The following GABBR2 variants were observed in gnomAD, a reference collection of about 807,000 sequenced individuals.
The protein encoded by GABBR2 is gamma-aminobutyric acid type B receptor subunit 2.
In GABBR2, 23 loss-of-function variants were observed where a neutral mutation model predicts 105.6. The ratio of observed to expected loss-of-function variants is 0.22; its 90% CI spans 0.16 to 0.31. The LOEUF is 0.31. GABBR2 is among the 10% of genes least tolerant of loss of function. The probability of loss-of-function intolerance (pLI) is 1.00; values close to 1 mark genes in which losing one functional copy is unlikely to be tolerated. For missense variants in GABBR2, 734 were observed against 1,245.5 expected (o/e 0.59, Z 6.18); for synonymous variants, 478 against 499.7 (o/e 0.96, Z 0.58).
intron 7 of GABBR2, among the ~76,000 whole-genome samples, chr9:98,451,936 C>CA (rs1826238640): frequency 6.6e-6 from 1 of 152,174 alleles, no homozygotes; most frequent in Non-Finnish European, 1.5e-5. Flanking sequence ...CCACCCCTTC[C>CA]AAAAAACCTA....
chr9:98,510,290 C>A (rs953640569), intron 3 of GABBR2, among the ~76,000 whole-genome samples: 9 of 152,270 alleles, frequency 5.9e-5, no homozygotes, highest in African/African-American at 1.7e-4. Flanking sequence ...TGGAAAGGAA[C>A]AACTGGTACC....
chr9:98,503,757 G>T (rs974618899), intron 3 of GABBR2, among the ~76,000 whole-genome samples: 1 of 152,126 alleles, frequency 6.6e-6, no homozygotes, highest in Admixed American at 6.5e-5. Context: ...CTGGCTCAGG[G>T]TCTTTCAGGA....
At chr9:98,406,635 TC>T (rs1222179967) in intron 7 of GABBR2, among the ~76,000 whole-genome samples, 1 of 152,222 alleles carries the variant, frequency 6.6e-6, no homozygotes, top group East Asian at 1.9e-4. Flanking sequence ...AGAATGTTTT[TC>T]TAAGTTTTTC....
At chr9:98,417,559 T>C (rs1832710615) in intron 7 of GABBR2, among the ~76,000 whole-genome samples, 1 of 152,144 alleles carries the variant, frequency 6.6e-6, no homozygotes. Flanking sequence ...TTGTGTTCCT[T>C]CCCTTCTCTG....
chr9:98,584,588 T>G (rs1829043982), intron 1 of GABBR2, among the ~76,000 whole-genome samples: 1 of 152,194 alleles, frequency 6.6e-6, no homozygotes, highest in African/African-American at 2.4e-5. Context: ...AATGAAAAAG[T>G]GAGGCTCCAG....
chr9:98,591,962 A>G (rs1169926137), intron 1 of GABBR2, among the ~76,000 whole-genome samples: 2 of 152,232 alleles, frequency 1.3e-5, no homozygotes, highest in Admixed American at 1.3e-4. Flanking sequence ...AACAAACCCT[A>G]AATGTCAATG....
At chr9:98,515,021 T>G (rs928088681) in intron 3 of GABBR2, among the ~76,000 whole-genome samples, 10 of 152,038 alleles carry the variant, frequency 6.6e-5, no homozygotes, top group Non-Finnish European at 7.4e-5. Context: ...CACCAGGAAG[T>G]AGATTTCAGC....
intron 1 of GABBR2, among the ~76,000 whole-genome samples, chr9:98,645,166 T>C (rs1830014586): frequency 6.6e-6 from 1 of 152,114 alleles, no homozygotes; most frequent in Non-Finnish European, 1.5e-5. Flanking sequence ...CCACTTCATG[T>C]AATTTGTATG....
chr9:98,486,783 C>T (rs1468850099), intron 4 of GABBR2, among the ~76,000 whole-genome samples: 2 of 152,236 alleles, frequency 1.3e-5, no homozygotes, highest in African/African-American at 4.8e-5. Context: ...AGTCCTGTGC[C>T]CCAACTGTCT....
intron 2 of GABBR2, among the ~76,000 whole-genome samples, chr9:98,559,418 T>C (rs2225559): frequency 0.076 from 11,540 of 152,206 alleles, 873 homozygotes; most frequent in African/African-American, 0.2. Flanking sequence ...GCGTGAGCCA[T>C]ATGTTTAATT....
intron 6 of GABBR2, among the ~76,000 whole-genome samples, chr9:98,463,447 C>T (rs1930418): frequency 0.41 from 62,292 of 152,014 alleles, 14,254 homozygotes; most frequent in Non-Finnish European, 0.51. Context: ...ATAGCCAAGA[C>T]AGTTTTGACG....
In GABBR2 at chr9:98,311,293, G is replaced by A. The variant is rs936702532; in HGVS notation, c.1894-88C>T. The A allele has an allele frequency of 3.1e-5, 24 of 765,418 alleles. No homozygotes were observed. In the East Asian group the frequency reaches 6.3e-4, roughly 20 times the overall value. 47.4% of individuals were successfully genotyped at this position (765,418 alleles called of 1,614,324 possible). Reference sequence around the variant, plus strand: ...TTATCTGAGAGCCCTTTTCCCTCCTGTGAGCCATAGCCAATGCCACTGTTC... The same window carrying A: ...TTATCTGAGAGCCCTTTTCCCTCCTATGAGCCATAGCCAATGCCACTGTTC... On this transcript the variant is annotated intron_variant, in intron 13 of 18. Transcript: ENST00000259455.
chr9:98,343,970 G>T (rs563441135), intron 13 of GABBR2, among the ~76,000 whole-genome samples: 1 of 152,304 alleles, frequency 6.6e-6, no homozygotes, highest in South Asian at 2.1e-4. Flanking sequence ...AGCAGCATTT[G>T]ACGCAGTTCA....
intron 7 of GABBR2, among the ~76,000 whole-genome samples, chr9:98,429,416 C>T (rs952931402): frequency 3.3e-5 from 5 of 152,166 alleles, no homozygotes; most frequent in African/African-American, 1.2e-4. Flanking sequence ...GCTGGGATTA[C>T]AGGCATGAGC....
At chr9:98,295,686 C>T (rs558452217) in intron 17 of GABBR2, among the ~76,000 whole-genome samples, 66 of 152,144 alleles carry the variant, frequency 4.3e-4, no homozygotes, top group Non-Finnish European at 2.4e-4. Context: ...CTACCATGCC[C>T]GGCTAATTTT....
At chr9:98,557,037 C>T (rs1828597366) in intron 2 of GABBR2, among the ~76,000 whole-genome samples, 1 of 152,122 alleles carries the variant, frequency 6.6e-6, no homozygotes, top group South Asian at 2.1e-4. Context: ...CAGCAAGACC[C>T]TACTTCAAAA....
intron 13 of GABBR2, among the ~76,000 whole-genome samples, chr9:98,357,396 G>A (rs1049179268): frequency 2.6e-5 from 4 of 151,976 alleles, no homozygotes; most frequent in African/African-American, 7.2e-5. Context: ...TCCTGTCATC[G>A]CGGCACTTTG....
chr9:98,410,840 G>A (rs1832578740), intron 7 of GABBR2, among the ~76,000 whole-genome samples: 1 of 152,178 alleles, frequency 6.6e-6, no homozygotes, highest in South Asian at 2.1e-4. Context: ...AGGCATTTCA[G>A]GGGCAATGGC....
chr9:98,675,282 G>A (rs1038070112), intron 1 of GABBR2, among the ~76,000 whole-genome samples: 2 of 152,336 alleles, frequency 1.3e-5, no homozygotes, highest in East Asian at 3.9e-4. Context: ...ATGGATGGAA[G>A]AGGCTTGAAG....
Sources: gnomAD v4.1 joint callset for allele counts (sites outside exome capture counted in the v4.1 genomes callset) on GRCh38, gnomAD v4.1.1 for gene constraint, MANE v1.5 for transcripts, NCBI Gene and HGNC (gene_info 2026-07-23, HGNC 2026-07-21) for gene names.